The following MGST1 variants were observed in gnomAD, a reference collection of about 807,000 sequenced individuals.
MGST1 encodes the protein microsomal glutathione S-transferase 1.
In MGST1, 5 loss-of-function variants were observed where a neutral mutation model predicts 8.9. The ratio of observed to expected loss-of-function variants is 0.56; its 90% CI spans 0.29 to 1.19. MGST1 has a LOEUF of 1.19. Ranked by LOEUF, MGST1 falls within the 50% of genes most tolerant of loss-of-function variation. The pLI is 0.08. For missense variants in MGST1, 182 were observed against 187.4 expected, an observed-to-expected ratio of 0.97 and a Z score of 0.17; for synonymous variants, 54 against 67.8, an observed-to-expected ratio of 0.80 and a Z score of 1.00.
intron 1 of MGST1, among the ~76,000 whole-genome samples, chr12:16,394,638 G>A (rs111605904): frequency 1.4e-4 from 21 of 150,278 alleles, no homozygotes; most frequent in African/African-American, 5.1e-4. Flanking sequence ...TGTCACCCAG[G>A]CTGGAGTGCA....
intron 4 of MGST1, among the ~76,000 whole-genome samples, chr12:16,477,050 G>C (rs551937672): frequency 2.5e-4 from 38 of 152,310 alleles, no homozygotes; most frequent in Non-Finnish European, 4.7e-4. Flanking sequence ...TCACAGAATG[G>C]TTTCTAGGCT....
At chr12:16,393,072 A>G (rs918325640) in intron 1 of MGST1, among the ~76,000 whole-genome samples, 2 of 152,034 alleles carry the variant, frequency 1.3e-5, no homozygotes, top group Admixed American at 6.6e-5. Context: ...GGAAGTTAAA[A>G]TGAGAATAGA....
intron 3 of MGST1, among the ~76,000 whole-genome samples, chr12:16,370,632 C>A (rs112451239): frequency 0.02 from 2,986 of 152,178 alleles, 103 homozygotes; most frequent in African/African-American, 0.068. Context: ...TCTTTCATGA[C>A]AATACAGTTA....
chr12:16,416,158 A>G (rs1940787193), intron 1 of MGST1, among the ~76,000 whole-genome samples: 1 of 152,210 alleles, frequency 6.6e-6, no homozygotes, highest in East Asian at 1.9e-4. Flanking sequence ...GAGGAAAAGA[A>G]AGAACTTTGT....
intron 4 of MGST1, among the ~76,000 whole-genome samples, chr12:16,444,474 C>CT: frequency 6.6e-6 from 1 of 151,942 alleles, no homozygotes; most frequent in East Asian, 2.0e-4. Context: ...CCTCAAAAAG[C>CT]TTCAGCTATT....
rs1591800692 is a variant in MGST1 at position 16,576,537 on chromosome 12, C to T, written n.483-12991C>T. On this transcript the variant is annotated intron_variant and non_coding_transcript_variant, in intron 4 of 4. Transcript: ENST00000538857. This position sits in a 1 kb window ranked among gnomAD's most constrained non-coding sequence, Gnocchi z 4.1. ...TAACACACTTCTTTAGACATTTAAG[C>T]ACTTGTTTTCATATACTACTTCATC... Among the ~76,000 whole-genome samples the T allele has an allele frequency of 6.6e-6, 1 of 152,242 alleles. No homozygotes were observed. The highest frequency in any genetic ancestry group is 2.4e-5 in the African/African-American group (1 of 41,536).
chr12:16,455,425 TA>T (rs1437135961), intron 4 of MGST1, among the ~76,000 whole-genome samples: 1 of 151,814 alleles, frequency 6.6e-6, no homozygotes, highest in East Asian at 1.9e-4. Flanking sequence ...AGAAATGTTA[TA>T]AGAAGGAATT....
chr12:16,489,826 C>T (rs998698468), intron 4 of MGST1, among the ~76,000 whole-genome samples: 14 of 152,202 alleles, frequency 9.2e-5, no homozygotes, highest in East Asian at 7.7e-4. Context: ...TATTTTCTAC[C>T]GCCATGAAAG....
downstream of MGST1, among the ~76,000 whole-genome samples, chr12:16,364,598 A>T (rs1413746009): frequency 6.6e-6 from 1 of 152,128 alleles, no homozygotes; most frequent in Non-Finnish European, 1.5e-5. The surrounding 1 kb of genome is among the most constrained non-coding windows in gnomAD (Gnocchi z 5.7). Flanking sequence ...TAAGTGGCAG[A>T]TATCATGACA....
At chr12:16,404,424 T>A (rs1940683418) in intron 1 of MGST1, among the ~76,000 whole-genome samples, 1 of 152,106 alleles carries the variant, frequency 6.6e-6, no homozygotes, top group Non-Finnish European at 1.5e-5. Context: ...TTAGTTCATT[T>A]TTATTTAATG....
intron 4 of MGST1, among the ~76,000 whole-genome samples, chr12:16,564,336 T>A (rs1942513946): frequency 6.6e-6 from 1 of 152,214 alleles, no homozygotes; most frequent in Non-Finnish European, 1.5e-5. Flanking sequence ...GTTTAGATGT[T>A]TTTAAAGGTG....
chr12:16,575,265 A>G (rs1942957745), intron 4 of MGST1, among the ~76,000 whole-genome samples: 1 of 152,202 alleles, frequency 6.6e-6, no homozygotes, highest in Admixed American at 6.5e-5. Context: ...TATCTTCAAA[A>G]ATATAGGCAT....
intron 4 of MGST1, among the ~76,000 whole-genome samples, chr12:16,568,919 A>G (rs1026765931): frequency 4.6e-5 from 7 of 152,214 alleles, no homozygotes; most frequent in Admixed American, 2.0e-4. Context: ...AAGCTTAAAG[A>G]TAAGAAAAAA....
intron 2 of MGST1, among the ~76,000 whole-genome samples, chr12:16,356,093 G>A (rs1036519853): frequency 1.3e-5 from 2 of 152,052 alleles, no homozygotes; most frequent in Non-Finnish European, 2.9e-5. Flanking sequence ...CATTCATGAG[G>A]ACTCCACTCT....
intron 1 of MGST1, among the ~76,000 whole-genome samples, chr12:16,397,461 A>T (rs541799207): frequency 6.6e-6 from 1 of 152,200 alleles, no homozygotes. Context: ...CTGCACAGCT[A>T]AAGGAACAGT....
chr12:16,470,172 T>C (rs1941282667), intron 4 of MGST1, among the ~76,000 whole-genome samples: 1 of 152,212 alleles, frequency 6.6e-6, no homozygotes, highest in East Asian at 1.9e-4. Context: ...AATAAATATT[T>C]GGGGAACTTT....
At chr12:16,415,291 A>G (rs1445834391) in intron 1 of MGST1, among the ~76,000 whole-genome samples, 1 of 152,220 alleles carries the variant, frequency 6.6e-6, no homozygotes, top group African/African-American at 2.4e-5. Context: ...TAATTTCCAT[A>G]GGGAGGAGGG....
chr12:16,510,757 G>A (rs111348919), intron 4 of MGST1, among the ~76,000 whole-genome samples: 26 of 152,310 alleles, frequency 1.7e-4, no homozygotes, highest in African/African-American at 6.3e-4. Context: ...TGAAGATAAA[G>A]TAAGTGTTGG....
chr12:16,483,255 T>A (rs1239036182), intron 4 of MGST1, among the ~76,000 whole-genome samples: 1 of 152,156 alleles, frequency 6.6e-6, no homozygotes, highest in Non-Finnish European at 1.5e-5. Flanking sequence ...GATGATCCCT[T>A]ACTCCTCAAA....
Sources: gnomAD v4.1 joint callset for allele counts (sites outside exome capture counted in the v4.1 genomes callset) on GRCh38, gnomAD v4.1.1 for gene constraint, Gnocchi (gnomAD v3.1) non-coding constraint, MANE v1.5 for transcripts, NCBI Gene and HGNC (gene_info 2026-07-23, HGNC 2026-07-21) for gene names.